The following PDE8A variants were observed in gnomAD, a reference collection of about 807,000 sequenced individuals.
The protein encoded by PDE8A is phosphodiesterase 8A.
Under a neutral mutation model 105.0 loss-of-function variants are expected in PDE8A, and 59 were observed. The observed-to-expected ratio is 0.56, with a 90% CI of 0.46 to 0.70. The LOEUF (loss-of-function observed/expected upper bound fraction) is 0.70, where lower values mean the gene tolerates loss of function less well. PDE8A is among the 30% of genes least tolerant of loss of function. The pLI is 0.00. For missense variants in PDE8A, 1,014 were observed against 1,045.9 expected, an observed-to-expected ratio of 0.97 and a Z score of 0.42; for synonymous variants, 355 against 371.9, an observed-to-expected ratio of 0.95 and a Z score of 0.52.
intron 8 of PDE8A, among the ~76,000 whole-genome samples, chr15:85,091,522 A>G (rs1432625688): frequency 1.3e-5 from 2 of 152,228 alleles, no homozygotes; most frequent in East Asian, 3.8e-4. Flanking sequence ...CAGTAAGGCA[A>G]CACATTCTCA....
intron 8 of PDE8A, among the ~76,000 whole-genome samples, chr15:85,092,977 A>G (rs2081672413): frequency 6.7e-6 from 1 of 149,550 alleles, no homozygotes; most frequent in African/African-American, 2.5e-5. Context: ...GCCGGAATGC[A>G]GAGGTGCAAC....
intron 11 of PDE8A, among the ~76,000 whole-genome samples, chr15:85,100,719 A>G (rs1260205507): frequency 6.6e-6 from 1 of 152,146 alleles, no homozygotes; most frequent in African/African-American, 2.4e-5. Context: ...ACGTGTCATG[A>G]CTTCAGCAAG....
intron 19 of PDE8A, among the ~76,000 whole-genome samples, chr15:85,125,549 T>A (rs1410330953): frequency 6.6e-6 from 1 of 152,178 alleles, no homozygotes; most frequent in East Asian, 1.9e-4. Context: ...GCTGGTTGCT[T>A]TGGACAAGTC....
At chr15:85,039,769 A>G (rs776237158) in intron 1 of PDE8A, among the ~76,000 whole-genome samples, 12 of 152,264 alleles carry the variant, frequency 7.9e-5, no homozygotes, top group Non-Finnish European at 1.6e-4. Context: ...GTGGAATACT[A>G]TTCAGCCTGT....
At chr15:85,037,848 G>A (rs1298018186) in intron 1 of PDE8A, among the ~76,000 whole-genome samples, 1 of 152,148 alleles carries the variant, frequency 6.6e-6, no homozygotes, top group Non-Finnish European at 1.5e-5. Flanking sequence ...TCTAATTTAA[G>A]GCTGAAATCA....
intron 2 of PDE8A, among the ~76,000 whole-genome samples, chr15:85,065,582 A>G (rs1442241291): frequency 6.6e-6 from 1 of 152,080 alleles, no homozygotes; most frequent in African/African-American, 2.4e-5. Flanking sequence ...TTAAAAATAT[A>G]TGAGAAGTGC....
At chr15:85,061,100 T>C (rs928782671) in intron 1 of PDE8A, among the ~76,000 whole-genome samples, 8 of 152,176 alleles carry the variant, frequency 5.3e-5, no homozygotes, top group African/African-American at 1.7e-4. Flanking sequence ...TTGCCAAATA[T>C]AGGATCTTTG....
At chr15:85,075,066 T>C (rs1217918530) in intron 3 of PDE8A, among the ~76,000 whole-genome samples, 1 of 152,150 alleles carries the variant, frequency 6.6e-6, no homozygotes, top group African/African-American at 2.4e-5. Context: ...GTAGGATGAG[T>C]TCAAAGCTGT....
At chr15:85,068,987 A>C (rs2081273112) in intron 3 of PDE8A, among the ~76,000 whole-genome samples, 1 of 152,218 alleles carries the variant, frequency 6.6e-6, no homozygotes, top group African/African-American at 2.4e-5. Flanking sequence ...AATAGGGTTA[A>C]TTCATTCAGC....
chr15:85,108,615 C>T (rs1345815061), intron 11 of PDE8A, among the ~76,000 whole-genome samples: 12 of 152,162 alleles, frequency 7.9e-5, no homozygotes, highest in Non-Finnish European at 1.2e-4. Context: ...CACCATACTA[C>T]CCTAGGAAAG....
intron 1 of PDE8A, among the ~76,000 whole-genome samples, chr15:85,039,255 A>G (rs1329774006): frequency 6.6e-6 from 1 of 151,994 alleles, no homozygotes; most frequent in Non-Finnish European, 1.5e-5. Context: ...GTAAGACCTC[A>G]TTTCTATAGA....
intron 8 of PDE8A, among the ~76,000 whole-genome samples, chr15:85,093,553 G>A (rs1456003330): frequency 7.5e-6 from 1 of 133,094 alleles, no homozygotes; most frequent in Non-Finnish European, 1.6e-5. Context: ...CTAGGTGTTG[G>A]ATATTGAAGT....
chr15:85,089,776 T>C (rs2081611939), intron 7 of PDE8A, among the ~76,000 whole-genome samples: 1 of 152,226 alleles, frequency 6.6e-6, no homozygotes, highest in African/African-American at 2.4e-5. Flanking sequence ...GGTCTGCAAG[T>C]ACAAGTCTTT....
intron 12 of PDE8A, among the ~76,000 whole-genome samples, chr15:85,111,287 G>C (rs1322569010): frequency 6.6e-6 from 1 of 152,022 alleles, no homozygotes; most frequent in South Asian, 2.1e-4. Context: ...TTAAGAAATC[G>C]TTCTTTATCC....
chr15:85,108,888 C>T lies in PDE8A; in HGVS notation c.1037-165C>T, dbSNP rs151112302. 5.5e-3 allele frequency among the ~76,000 whole-genome samples: 836 copies of T among 152,218 alleles called. 7 individuals are homozygous for T. Among genetic ancestry groups the T allele is most frequent in the Admixed American group, 8.6e-3 (132 of 15,280 alleles). ...GTGGGACATTTTGAGAAACTCTACC[C>T]CCATAAAACTGGTTTCTCATAGTCT... On this transcript the variant is annotated intron_variant, in intron 11 of 21. Transcript: ENST00000394553.
chr15:85,002,237 T>G (rs1292635014), intron 1 of PDE8A, among the ~76,000 whole-genome samples: 1 of 152,210 alleles, frequency 6.6e-6, no homozygotes, highest in African/African-American at 2.4e-5. Context: ...CCCCTAATTG[T>G]TGTCTGACTT....
intron 21 of PDE8A, among the ~76,000 whole-genome samples, 172 bp downstream of exon 21, chr15:85,136,835 A>C (rs1236724948): frequency 6.6e-6 from 1 of 151,570 alleles, no homozygotes; most frequent in Non-Finnish European, 1.5e-5. Flanking sequence ...CTTTCTTAAC[A>C]CTCCCCGCAG....
chr15:84,993,269 C>T (rs955312033), intron 1 of PDE8A, among the ~76,000 whole-genome samples: 2 of 151,434 alleles, frequency 1.3e-5, no homozygotes, highest in South Asian at 4.2e-4. Flanking sequence ...CGGTGAAACC[C>T]CGTCTCTTCT....
intron 3 of PDE8A, among the ~76,000 whole-genome samples, chr15:85,073,411 C>T (rs1165340384): frequency 1.3e-5 from 2 of 152,156 alleles, no homozygotes; most frequent in Non-Finnish European, 2.9e-5. Flanking sequence ...AGTTTTAGAG[C>T]TGTTTTTAAG....
Sources: allele counts gnomAD v4.1 joint callset (sites outside exome capture counted in the v4.1 genomes callset), GRCh38; gene constraint gnomAD v4.1.1; transcripts MANE v1.5; gene names NCBI Gene and HGNC (gene_info 2026-07-23, HGNC 2026-07-21).